Variants in PGCKA1 observed in about 807,000 individuals in gnomAD.
PGCKA1 encodes PDCD10 and GCKIII kinases associated 1, also known as PDCD10 and GCKIII kinases-associated protein 1.
At chr4:37,471,075 T>C in the PGCKA1 span, among the ~76,000 whole-genome samples, 1 of 152,354 alleles carries the variant, frequency 6.6e-6, no homozygotes, top group Non-Finnish European at 1.5e-5. Context: ...ACGTACCTGA[T>C]GTTTCTAAAA....
the PGCKA1 span, among the ~76,000 whole-genome samples, chr4:37,550,815 T>C: frequency 6.6e-6 from 1 of 152,170 alleles, no homozygotes. Flanking sequence ...AGGAGATCAA[T>C]GGCCATGGGA....
At chr4:37,454,177 A>G in the PGCKA1 span, 1 of 150,006 alleles carries the variant, frequency 6.7e-6, no homozygotes, top group African/African-American at 2.5e-5. Flanking sequence ...TTTGCCCTGA[A>G]AAAAAAAATT....
the PGCKA1 span, among the ~76,000 whole-genome samples, chr4:37,515,595 C>T: frequency 2.6e-5 from 4 of 152,188 alleles, no homozygotes; most frequent in Admixed American, 6.5e-5. Context: ...GCAGTATATT[C>T]TGATATATTG....
At chr4:37,514,473 C>G in the PGCKA1 span, among the ~76,000 whole-genome samples, 5 of 152,054 alleles carry the variant, frequency 3.3e-5, no homozygotes, top group Non-Finnish European at 5.9e-5. Context: ...TTCACTGGAT[C>G]GGGATAAAAG....
the PGCKA1 span, chr4:37,591,950 T>A: frequency 6.6e-6 from 1 of 152,250 alleles, no homozygotes; most frequent in Non-Finnish European, 1.5e-5. Context: ...GGCTCATGCC[T>A]GTAATCCCAG....
At chr4:37,511,583 C>CAG in the PGCKA1 span, among the ~76,000 whole-genome samples, 77,724 of 151,562 alleles carry the variant, frequency 0.51, 20,292 homozygotes, top group African/African-American at 0.6. Context: ...AGATGCAAGA[C>CAG]AGTTGTCCTT....
the PGCKA1 span, among the ~76,000 whole-genome samples, chr4:37,577,740 C>T: frequency 1.3e-5 from 2 of 151,990 alleles, no homozygotes; most frequent in Non-Finnish European, 2.9e-5. Flanking sequence ...ATTTTGGTCT[C>T]GTGTTTCCAT....
At chr4:37,554,181 G>A in the PGCKA1 span, among the ~76,000 whole-genome samples, 1 of 152,110 alleles carries the variant, frequency 6.6e-6, no homozygotes, top group Non-Finnish European at 1.5e-5. Flanking sequence ...TGTAAGATGT[G>A]CCTTTGCATC....
chr4:37,512,406 A>C, the PGCKA1 span, among the ~76,000 whole-genome samples: 1 of 151,226 alleles, frequency 6.6e-6, no homozygotes, highest in Non-Finnish European at 1.5e-5. Flanking sequence ...CACATTTCCA[A>C]ATGTTTCCTG....
At chr4:37,533,102 A>C in the PGCKA1 span, among the ~76,000 whole-genome samples, 2 of 152,210 alleles carry the variant, frequency 1.3e-5, no homozygotes, top group Non-Finnish European at 1.5e-5. Flanking sequence ...TAGCTTATGG[A>C]AAAATAGAAA....
the PGCKA1 span, among the ~76,000 whole-genome samples, chr4:37,482,970 G>A: frequency 9.3e-3 from 1,420 of 152,164 alleles, 15 homozygotes; most frequent in Admixed American, 0.033. Context: ...GGGGCCAGGG[G>A]AAGAATGATA....
chr4:37,589,956 A>T, the PGCKA1 span: 1 of 760,518 alleles, frequency 1.3e-6, no homozygotes, highest in Non-Finnish European at 2.2e-6. Flanking sequence ...TATTTGATTT[A>T]GACATACTTA....
chr4:37,592,544 A>G, the PGCKA1 span, among the ~76,000 whole-genome samples: 5 of 152,172 alleles, frequency 3.3e-5, no homozygotes, highest in Non-Finnish European at 5.9e-5. Context: ...AACAAGGACA[A>G]CCATTCTAAC....
At chr4:37,481,441 G>T in the PGCKA1 span, among the ~76,000 whole-genome samples, 1 of 86,286 alleles carries the variant, frequency 1.2e-5, no homozygotes, top group South Asian at 3.8e-4. Flanking sequence ...CTCCAGCCTA[G>T]GCAACAGAGC....
chr4:37,539,778 AT>A, the PGCKA1 span, among the ~76,000 whole-genome samples: 6 of 152,232 alleles, frequency 3.9e-5, no homozygotes, highest in East Asian at 1.2e-3. Context: ...CACTCTTGGA[AT>A]AATTTGCAAG....
the PGCKA1 span, among the ~76,000 whole-genome samples, chr4:37,487,573 C>G: frequency 6.6e-6 from 1 of 152,120 alleles, no homozygotes; most frequent in African/African-American, 2.4e-5. Context: ...AACTGTATAA[C>G]TCAAATTTCC....
chr4:37,516,166 C>T, the PGCKA1 span, among the ~76,000 whole-genome samples: 3,183 of 152,304 alleles, frequency 0.021, 56 homozygotes, highest in South Asian at 0.031. Context: ...AAGCAAGTGG[C>T]TGGCGCCGTA....
the PGCKA1 span, among the ~76,000 whole-genome samples, chr4:37,527,964 T>C: frequency 6.6e-6 from 1 of 152,196 alleles, no homozygotes; most frequent in African/African-American, 2.4e-5. Context: ...CATCTAGATT[T>C]GGGTAGTACG....
chr4:37,579,191 T>A, the PGCKA1 span, among the ~76,000 whole-genome samples: 1 of 152,214 alleles, frequency 6.6e-6, no homozygotes, highest in Non-Finnish European at 1.5e-5. Flanking sequence ...ACTTTTTAAC[T>A]TTTTGTTGTA....
Sources: allele counts gnomAD v4.1 joint callset (sites outside exome capture counted in the v4.1 genomes callset), GRCh38; gene constraint gnomAD v4.1.1; transcripts MANE v1.5; gene names NCBI Gene and HGNC (gene_info 2026-07-23, HGNC 2026-07-21).